The following TULP4 variants were observed in gnomAD, a reference collection of about 807,000 sequenced individuals.
TULP4 encodes TUB like protein 4.
Under a neutral mutation model 129.0 loss-of-function variants are expected in TULP4, and 16 were observed. That is an observed-to-expected ratio of 0.12 (90% CI 0.08 to 0.19). The LOEUF (loss-of-function observed/expected upper bound fraction) is 0.19, where lower values mean the gene tolerates loss of function less well. TULP4 is among the 10% of genes least tolerant of loss of function. The pLI is 1.00. For synonymous variants in TULP4, 998 were observed against 854.0 expected, an observed-to-expected ratio of 1.17 and a Z score of -2.94; for missense variants, 1,842 against 2,059.1, an observed-to-expected ratio of 0.89 and a Z score of 2.04.
At chr6:158,342,986 T>TGTGTGTGTGTGTGTGTGTGTG in intron 1 of TULP4, among the ~76,000 whole-genome samples, 1 of 142,022 alleles carries the variant, frequency 7.0e-6, no homozygotes, top group Non-Finnish European at 1.5e-5. Flanking sequence ...TGTGTGTGTG[T>TGTGTGTGTGTGTGTGTGTGTG]AGGCACTGCC....
Position 158,501,876 on chromosome 6 carries a change from G to A in TULP4, c.2213G>A (p.Gly738Asp). 6.2e-7 allele frequency: 1 copy of A among 1,614,180 alleles called. No homozygotes were observed. Reference sequence around the variant, plus strand: ...GCTGTAGGGACAGCAGAACATGCAGGTGACAGTGCCACCCAGTACCCAGTC... The same window carrying A: ...GCTGTAGGGACAGCAGAACATGCAGATGACAGTGCCACCCAGTACCCAGTC... ...TTAVGTAEHA[G>D]DSATQYPVSN... The change falls in exon 13 of 14, where the codon GGT becomes GAT. Residue 738 changes from glycine to aspartate, a missense_variant. Gly to Asp is a moderately conservative substitution (Grantham distance 94). Coordinates refer to ENST00000367097, the MANE Select transcript of TULP4 (RefSeq NM_020245.5).
At chr6:158,485,561 A>G (rs928894127) in intron 8 of TULP4, among the ~76,000 whole-genome samples, 1 of 152,226 alleles carries the variant, frequency 6.6e-6, no homozygotes, top group African/African-American at 2.4e-5. Context: ...CTATTCTTCA[A>G]GAAGAAAGAA....
upstream of TULP4, among the ~76,000 whole-genome samples, chr6:158,311,075 A>G (rs1779339306): frequency 6.6e-6 from 1 of 152,162 alleles, no homozygotes. Flanking sequence ...CATGGGTACA[A>G]ATGTGAACAC....
In TULP4 at chr6:158,240,571, G is replaced by T. The variant is rs1395666358; in HGVS notation, n.68+8268G>T. Among the ~76,000 whole-genome samples, 25 of 88,262 alleles carry T rather than the reference G, an allele frequency of 2.8e-4. 3 individuals are homozygous for T. The highest frequency in any genetic ancestry group is 1.3e-3 in the East Asian group (3 of 2,254). 57.9% of individuals were successfully genotyped at this position (88,262 alleles called of 152,430 possible). A position where few individuals can be genotyped will look rare whatever the true frequency, so the allele number is the denominator to read the frequency against. ...CGGGGGCGGCTGGCCGGGCAGAGGG[G>T]CTCCTCACTTCCCAGTAGGGGCGGC... On this transcript the variant is annotated intron_variant and non_coding_transcript_variant, in intron 1 of 1. Coordinates refer to the TULP4 transcript ENST00000620026.
intron 1 of TULP4, among the ~76,000 whole-genome samples, chr6:158,368,563 G>T (rs904822298): frequency 1.3e-5 from 2 of 152,162 alleles, no homozygotes; most frequent in Non-Finnish European, 2.9e-5. Context: ...TTGTGAACTG[G>T]GGTAGTTAAC....
chr6:158,301,822 C>T (rs570194507), intron 1 of TULP4, among the ~76,000 whole-genome samples: 3 of 152,290 alleles, frequency 2.0e-5, no homozygotes, highest in Admixed American at 1.3e-4. Context: ...AGATTGGAAT[C>T]TCCACACAGC....
At chr6:158,311,019 A>T (rs936868703), upstream of TULP4, among the ~76,000 whole-genome samples, 1 of 151,438 alleles carries the variant, frequency 6.6e-6, no homozygotes, top group East Asian at 1.9e-4. Flanking sequence ...CTCTACCTTG[A>T]TTAGTGTTAA....
At chr6:158,394,355 G>A (rs1408115502) in intron 1 of TULP4, among the ~76,000 whole-genome samples, 1 of 152,142 alleles carries the variant, frequency 6.6e-6, no homozygotes, top group East Asian at 1.9e-4. Flanking sequence ...TGTCTTCTGA[G>A]CCCTCCAAAC....
intron 9 of TULP4, among the ~76,000 whole-genome samples, chr6:158,491,716 C>T (rs1483870450): frequency 6.6e-6 from 1 of 151,880 alleles, no homozygotes; most frequent in Non-Finnish European, 1.5e-5. Flanking sequence ...TGGTCTCAAT[C>T]TCCTGACCTC....
chr6:158,435,177 G>A (rs1305791997), intron 3 of TULP4, among the ~76,000 whole-genome samples: 1 of 152,198 alleles, frequency 6.6e-6, no homozygotes, highest in Non-Finnish European at 1.5e-5. Context: ...AAAGCTTATG[G>A]AAGTTAGTGA....
At chr6:158,456,908 T>A (rs1779305103) in intron 5 of TULP4, among the ~76,000 whole-genome samples, 1 of 152,184 alleles carries the variant, frequency 6.6e-6, no homozygotes, top group Non-Finnish European at 1.5e-5. Context: ...CCGACAGTGC[T>A]ATATGTAGGC....
intron 1 of TULP4, among the ~76,000 whole-genome samples, chr6:158,326,070 C>T (rs1779740127): frequency 1.3e-5 from 2 of 152,202 alleles, no homozygotes; most frequent in South Asian, 2.1e-4. Context: ...ATCATCTAAT[C>T]ATTCCAGTAT....
chr6:158,350,174 C>T (rs1051895749), intron 1 of TULP4, among the ~76,000 whole-genome samples: 1 of 151,922 alleles, frequency 6.6e-6, no homozygotes, highest in African/African-American at 2.4e-5. Flanking sequence ...GACGGGGCGG[C>T]CGGGCAGAGG....
At chr6:158,344,471 C>T (rs1479090132) in intron 1 of TULP4, among the ~76,000 whole-genome samples, 6 of 152,206 alleles carry the variant, frequency 3.9e-5, no homozygotes. Context: ...CGTATATTCA[C>T]TTTATATCTC....
intron 1 of TULP4, among the ~76,000 whole-genome samples, chr6:158,375,982 C>T (rs573305720): frequency 1.3e-5 from 2 of 152,156 alleles, no homozygotes; most frequent in Non-Finnish European, 2.9e-5. Context: ...GCTTTGCTAG[C>T]TAGGGCTGGG....
intron 3 of TULP4, among the ~76,000 whole-genome samples, chr6:158,437,238 A>C (rs762908283): frequency 1.3e-5 from 2 of 152,218 alleles, no homozygotes; most frequent in South Asian, 4.1e-4. Context: ...TTTAGTACAG[A>C]ATTTTTAATT....
chr6:158,388,743 T>C (rs1777516603), intron 1 of TULP4, among the ~76,000 whole-genome samples: 1 of 152,122 alleles, frequency 6.6e-6, no homozygotes. Context: ...ATAAACTTAC[T>C]GTTTAAAAAT....
intron 1 of TULP4, among the ~76,000 whole-genome samples, chr6:158,331,762 TATATACACGTATATATACAC>T (rs1779895687): frequency 4.5e-5 from 1 of 21,994 alleles, no homozygotes; most frequent in Non-Finnish European, 1.1e-4. Flanking sequence ...TACACGTGTA[TATATACACGTATATATACAC>T]ACACACATAC....
At chr6:158,391,371 G>A (rs1035845566) in intron 1 of TULP4, among the ~76,000 whole-genome samples, 4 of 152,200 alleles carry the variant, frequency 2.6e-5, no homozygotes, top group African/African-American at 7.2e-5. Flanking sequence ...AATTGTATGT[G>A]TAGAGTGCAT....
Sources: allele counts gnomAD v4.1 joint callset (sites outside exome capture counted in the v4.1 genomes callset), GRCh38; gene constraint gnomAD v4.1.1; transcripts MANE v1.5; gene names NCBI Gene and HGNC (gene_info 2026-07-23, HGNC 2026-07-21).